LARP1: variants seen among roughly 807,000 people sequenced by gnomAD.
The protein encoded by LARP1 is la-related protein 1.
A neutral mutation model predicts 122.7 loss-of-function variants in LARP1; 36 were observed. The observed-to-expected ratio is 0.29, with a 90% CI of 0.22 to 0.39. LARP1 has a LOEUF of 0.39. LARP1 is among the 10% of genes least tolerant of loss of function. The pLI is 1.00. For synonymous variants in LARP1, 539 were observed against 528.7 expected, an observed-to-expected ratio of 1.02 and a Z score of -0.27; for missense variants, 1,040 against 1,403.6, an observed-to-expected ratio of 0.74 and a Z score of 4.14.
At position 154,697,784 on chromosome 5, in the gene LARP1, G is replaced by A. The variant is rs558933247; in HGVS notation, c.-180+14747G>A. Among the ~76,000 whole-genome samples, 4 of 152,204 alleles carry A rather than the reference G, an allele frequency of 2.6e-5. No homozygotes were observed. The South Asian group carries it at 6.2e-4, about 24-fold the overall frequency. On this transcript the variant is annotated intron_variant, in intron 1 of 18. Transcript: ENST00000687700. Reference sequence around the variant, plus strand: ...GGTGCAGGGGGGATAGAAAGACTAAGGGATAATAGCTAAAAGGCGCAAGGA... The same window carrying A: ...GGTGCAGGGGGGATAGAAAGACTAAAGGATAATAGCTAAAAGGCGCAAGGA...
chr5:154,703,134 A>C (rs1392574074), intron 1 of LARP1, among the ~76,000 whole-genome samples: 1 of 149,954 alleles, frequency 6.7e-6, no homozygotes, highest in Middle Eastern at 3.5e-3. Context: ...AAAAAAAAAA[A>C]AAAAAAAAAA....
chr5:154,794,349 G>C, intron 7 of LARP1, 87 bp downstream of exon 7: 3 of 1,322,840 alleles, frequency 2.3e-6, no homozygotes, highest in South Asian at 1.4e-5. Flanking sequence ...GGCCCTTCTG[G>C]TGCTTAGCAG....
In LARP1 at chr5:154,803,497, C is replaced by T. The variant is rs1464530571; in HGVS notation, c.2234-43C>T. On this transcript the variant is annotated intron_variant, in intron 12 of 18. Coordinates refer to ENST00000518297, the MANE Select transcript of LARP1 (RefSeq NM_033551.3). This position sits in a 1 kb window ranked among gnomAD's most constrained non-coding sequence, Gnocchi z 4.4. Reference sequence around the variant, plus strand: ...GGGGGCTATCCTGGGGTGGATGCCACAGGCCTTTCCCTGCTTCCTGACTCC... The same window carrying T: ...GGGGGCTATCCTGGGGTGGATGCCATAGGCCTTTCCCTGCTTCCTGACTCC... 6.2e-7 allele frequency: 1 copy of T among 1,614,030 alleles called. No individual in the cohort carries two copies.
chr5:154,808,124 G>T (rs749749959), intron 15 of LARP1, among the ~76,000 whole-genome samples: 16 of 152,176 alleles, frequency 1.1e-4, no homozygotes, highest in Non-Finnish European at 2.2e-4. Context: ...AATACAGTTT[G>T]TTAGAATTTA....
intron 1 of LARP1, among the ~76,000 whole-genome samples, chr5:154,737,866 C>T (rs1320881661): frequency 2.0e-5 from 3 of 152,058 alleles, no homozygotes; most frequent in Non-Finnish European, 4.4e-5. Context: ...TCCAGCTCTG[C>T]TCTAACCACC....
intron 1 of LARP1, among the ~76,000 whole-genome samples, chr5:154,759,107 C>T (rs1449496735): frequency 6.6e-6 from 1 of 152,206 alleles, no homozygotes; most frequent in African/African-American, 2.4e-5. Context: ...GTTAGCTGTG[C>T]TTCCTTGGGC....
At chr5:154,689,312 G>A (rs1369938001) in intron 1 of LARP1, among the ~76,000 whole-genome samples, 1 of 152,146 alleles carries the variant, frequency 6.6e-6, no homozygotes, top group Non-Finnish European at 1.5e-5. Flanking sequence ...AATTAGCCAG[G>A]CGTGGTGGCG....
intron 14 of LARP1, chr5:154,804,663 G>C (rs1308605652): frequency 4.8e-6 from 2 of 417,876 alleles, no homozygotes; most frequent in African/African-American, 2.1e-5. Context: ...GTCTTGGGAG[G>C]CTACTTGAAA....
At position 154,803,475 on chromosome 5, in the gene LARP1, G is replaced by T. The variant is rs1758505899; in HGVS notation, c.2233+62G>T. The T allele has an allele frequency of 6.2e-7, 1 of 1,613,866 alleles. No homozygotes were observed. Among genetic ancestry groups the T allele is most frequent in the Non-Finnish European group, 8.5e-7 (1 of 1,179,954 alleles). ...GAGGATCTAGGGCCCTTGGACTGGG[G>T]GCTATCCTGGGGTGGATGCCACAGG... On this transcript the variant is annotated intron_variant, in intron 12 of 18. Transcript: ENST00000518297. This position sits in a 1 kb window ranked among gnomAD's most constrained non-coding sequence, Gnocchi z 4.4.
intron 1 of LARP1, among the ~76,000 whole-genome samples, chr5:154,717,874 T>TAC (rs140858107): frequency 0.017 from 2,562 of 150,966 alleles, 72 homozygotes; most frequent in African/African-American, 0.056. Context: ...CTGACACATA[T>TAC]ACACACACAC....
chr5:154,746,410 A>G (rs1753202799), intron 1 of LARP1, among the ~76,000 whole-genome samples: 1 of 152,184 alleles, frequency 6.6e-6, no homozygotes, highest in Non-Finnish European at 1.5e-5. Flanking sequence ...ACTCGTCTCC[A>G]TGAATTTGGA....
chr5:154,755,434 G>T lies in LARP1; in HGVS notation c.-324G>T, dbSNP rs1320242780. 2 of 507,404 alleles carry T rather than the reference G, an allele frequency of 3.9e-6. No individual in the cohort carries two copies. Among genetic ancestry groups the T allele is most frequent in the East Asian group, 1.5e-4 (1 of 6,682 alleles). 31.4% of individuals were successfully genotyped at this position (507,404 alleles called of 1,614,324 possible). A position where few individuals can be genotyped will look rare whatever the true frequency, so the allele number is the denominator to read the frequency against. ...CCCGGGCCGCCCCGGGGGCGGGGGG[G>T]AGGGAGGGACGGGACTAGAAGCCTG... On this transcript the variant is annotated 5_prime_UTR_variant, in exon 1 of 19. Coordinates refer to ENST00000518297, the MANE Select transcript of LARP1 (RefSeq NM_033551.3).
At chr5:154,797,321 C>T (rs1439269295) in intron 8 of LARP1, among the ~76,000 whole-genome samples, 1 of 148,428 alleles carries the variant, frequency 6.7e-6, no homozygotes, top group Non-Finnish European at 1.5e-5. Flanking sequence ...GCAACCTCCA[C>T]CTCCCAGGTT....
chr5:154,737,767 GTCTC>G (rs958776866), intron 1 of LARP1, among the ~76,000 whole-genome samples: 1 of 151,846 alleles, frequency 6.6e-6, no homozygotes, highest in African/African-American at 2.4e-5. Flanking sequence ...CTTCTGCCAA[GTCTC>G]TCTCTCTCTT....
chr5:154,807,246 G>A (rs1383012372), intron 15 of LARP1, among the ~76,000 whole-genome samples: 1 of 152,106 alleles, frequency 6.6e-6, no homozygotes, highest in Admixed American at 6.5e-5. Flanking sequence ...CAGTTGATTG[G>A]CATTTGGGTT....
intron 1 of LARP1, among the ~76,000 whole-genome samples, chr5:154,695,311 CAAAAAAAGA>C (rs528998709): frequency 1.6e-4 from 24 of 150,464 alleles, no homozygotes; most frequent in African/African-American, 5.1e-4. Context: ...GACTCCGTCT[CAAAAAAAGA>C]AAAAAAAGAA....
At chr5:154,743,729 C>T (rs1432601021) in intron 1 of LARP1, among the ~76,000 whole-genome samples, 1 of 152,118 alleles carries the variant, frequency 6.6e-6, no homozygotes, top group African/African-American at 2.4e-5. Flanking sequence ...AAGCGATTCT[C>T]CTGCCTCAGC....
At position 154,805,919 on chromosome 5, in the gene LARP1, A is replaced by T. The variant is rs143640533; in HGVS notation, c.2585A>T (p.Tyr862Phe). 18 of 1,614,036 alleles carry T rather than the reference A, an allele frequency of 1.1e-5. No homozygotes were observed. Among genetic ancestry groups the T allele is most frequent in the Non-Finnish European group, 1.5e-5 (18 of 1,180,036 alleles). Residue 862 changes from tyrosine (Y) to phenylalanine (F), a missense_variant, in exon 15 of 19, where the codon TAT (tyrosine) becomes TTT (phenylalanine). Physicochemically the swap from Tyr to Phe is conservative, Grantham distance 22 (BLOSUM62 3). Around this residue, in one of 8 missense-constraint regions of LARP1, gnomAD observed 26 missense variants for 27.5 expected, o/e 0.94. Coordinates refer to ENST00000518297, the MANE Select transcript of LARP1 (RefSeq NM_033551.3). ...GAAGGGACGCCTACAGTTGGCAGCTATGGCTGTACCCCTCAGTCATTGCCC... is the reference window on the plus strand; with the variant it reads ...GAAGGGACGCCTACAGTTGGCAGCTTTGGCTGTACCCCTCAGTCATTGCCC... ...PSEGTPTVGS[Y>F]GCTPQSLPKF...
rs75832116 is a variant in LARP1, at chr5:154,761,606, A to G, written c.436+5413A>G. 1.4e-4 allele frequency among the ~76,000 whole-genome samples: 21 copies of G among 152,314 alleles called. No homozygotes were observed. The East Asian group carries it at 4.0e-3, about 29-fold the overall frequency. ...GTGTTGGGGCCACTGGAGGTTCAGC[A>G]GGTGCCTCAGTCCAGACTCAAAAAC... On this transcript the variant is annotated intron_variant, in intron 1 of 18. Coordinates refer to ENST00000518297, the MANE Select transcript of LARP1 (RefSeq NM_033551.3).
Sources: gnomAD v4.1 joint callset for allele counts (sites outside exome capture counted in the v4.1 genomes callset) on GRCh38, gnomAD v4.1.1 for gene constraint, gnomAD v4.1.1 regional missense constraint, Gnocchi (gnomAD v3.1) non-coding constraint, MANE v1.5 for transcripts, NCBI Gene and HGNC (gene_info 2026-07-23, HGNC 2026-07-21) for gene names.